CYP2F1: variants seen among roughly 807,000 people sequenced by gnomAD.
CYP2F1 encodes cytochrome P450 family 2 subfamily F member 1.
CYP2F1 carries 33 observed loss-of-function variants against 40.4 expected under a neutral mutation model. The ratio of observed to expected loss-of-function variants is 0.82; its 90% CI spans 0.62 to 1.09. The LOEUF is 1.09. Among genes scored for constraint, CYP2F1 ranks in the 50% least tolerant of loss-of-function variants. CYP2F1 has a pLI of 0.00. For synonymous variants in CYP2F1, 235 were observed against 277.2 expected, an observed-to-expected ratio of 0.85 and a Z score of 1.51; for missense variants, 566 against 655.7, an observed-to-expected ratio of 0.86 and a Z score of 1.49.
chr19:41,119,394 C>G (rs1599672260), intron 3 of CYP2F1, among the ~76,000 whole-genome samples: 3 of 152,106 alleles, frequency 2.0e-5, no homozygotes, highest in Admixed American at 2.0e-4. Flanking sequence ...GAGTGGATCT[C>G]CTGAGGTCAG....
At position 41,116,468 on chromosome 19, in the gene CYP2F1, A is replaced by C; in HGVS notation, c.185A>C (p.Tyr62Ser). 6.2e-7 allele frequency: 1 copy of C among 1,612,324 alleles called. No individual in the cohort carries two copies. Among genetic ancestry groups the C allele is most frequent in the Non-Finnish European group, 8.5e-7 (1 of 1,178,988 alleles). Residue 62 changes from tyrosine to serine, a missense_variant, in exon 3 of 10, where the codon TAT becomes TCT. This residue lies in a region of CYP2F1 where 264 missense variants were observed against 275.7 expected (regional missense o/e 0.96). Transcript: ENST00000331105. The part of the protein sequence containing the change: ...LTSLTKLSKE[Y>S]GSMYTVHLGP... ...TCCTACCCTCAGCTGAGCAAGGAGT[A>C]TGGCTCCATGTACACAGTGCACCTG... is the stretch of plus-strand genomic sequence containing the variant.
intron 4 of CYP2F1, among the ~76,000 whole-genome samples, chr19:41,120,866 G>C (rs1230296204): frequency 1.3e-5 from 2 of 151,812 alleles, no homozygotes; most frequent in Middle Eastern, 3.4e-3. Flanking sequence ...TGTCCCCCAG[G>C]CTGGAGTGCA....
intron 3 of CYP2F1, 96 bp from the exon 4 acceptor site, chr19:41,120,251 T>G (rs1389975003): frequency 3.4e-5 from 44 of 1,275,996 alleles, no homozygotes; most frequent in Non-Finnish European, 4.1e-5. Context: ...TTCCAAACTC[T>G]GTCTCTCTCC....
intron 3 of CYP2F1, among the ~76,000 whole-genome samples, chr19:41,119,721 C>CTATA (rs1442093221): frequency 1.9e-4 from 7 of 37,120 alleles, no homozygotes; most frequent in Admixed American, 7.0e-4. Flanking sequence ...CTCTCTCTCT[C>CTATA]TCTATATATA....
intron 4 of CYP2F1, among the ~76,000 whole-genome samples, chr19:41,121,201 A>C (rs116692516): frequency 1.3e-5 from 2 of 152,046 alleles, no homozygotes; most frequent in Non-Finnish European, 2.9e-5. Context: ...TGTGTTGCCA[A>C]GAATAGCCCG....
chr19:41,125,931 G>A (rs1279429392), intron 9 of CYP2F1: 19 of 474,690 alleles, frequency 4.0e-5, no homozygotes, highest in Admixed American at 1.5e-4. Context: ...TCAGGAGTTC[G>A]AGACCAGCCT....
chr19:41,117,416 G>A (rs894850347), intron 3 of CYP2F1, among the ~76,000 whole-genome samples: 11 of 152,168 alleles, frequency 7.2e-5, no homozygotes, highest in Admixed American at 5.2e-4. Flanking sequence ...ACAGGCAAGA[G>A]CCACTGCTCC....
Position 41,116,435 on chromosome 19 carries a change from T to C in CYP2F1, c.172-20T>C, listed in dbSNP as rs1203611056. ...CCATGGCCACAGGCCCCCCTGTAAC[T>C]TCTGTCTTCCTACCCTCAGCTGAGC... is the stretch of plus-strand genomic sequence containing the variant. On this transcript the variant is annotated intron_variant, in intron 2 of 9. Coordinates refer to ENST00000331105, the MANE Select transcript of CYP2F1 (RefSeq NM_000774.5). 3 of 1,607,830 alleles carry C rather than the reference T, an allele frequency of 1.9e-6. No individual in the cohort carries two copies. The highest frequency in any genetic ancestry group is 2.2e-5 in the South Asian group (2 of 90,878).
intron 9 of CYP2F1, 151 bp downstream of exon 9, chr19:41,125,785 A>G (rs780706615): frequency 2.0e-6 from 3 of 1,515,940 alleles, no homozygotes; most frequent in Non-Finnish European, 1.8e-6. Context: ...CTCTGCTCCT[A>G]TAGGCAAGTA....
rs928536385 is a variant in CYP2F1 at position 41,116,501 on chromosome 19, G to A, written c.218G>A (p.Arg73Lys). ...ATGTACACAGTGCACCTGGGACCCA[G>A]GCGGGTGGTGGTCCTCAGCGGGTAC... is the stretch of plus-strand genomic sequence containing the variant. ...GSMYTVHLGPRRVVVLSGYQA... is the reference protein window; with the variant it reads ...GSMYTVHLGPKRVVVLSGYQA... The change falls in exon 3 of 10, where the codon AGG becomes AAG. Residue 73 changes from arginine to lysine, a missense_variant. Around this residue, in one of 5 missense-constraint regions of CYP2F1, gnomAD observed 264 missense variants for 275.7 expected, o/e 0.96. Coordinates refer to ENST00000331105, the MANE Select transcript of CYP2F1 (RefSeq NM_000774.5). 1 of 1,613,904 alleles carries A rather than the reference G, an allele frequency of 6.2e-7. No individual in the cohort carries two copies. Among genetic ancestry groups the A allele is most frequent in the African/African-American group, 1.3e-5 (1 of 74,906 alleles).
intron 3 of CYP2F1, among the ~76,000 whole-genome samples, chr19:41,119,746 T>TACACACACACAC (rs1373000672): frequency 7.4e-5 from 4 of 54,184 alleles, no homozygotes; most frequent in Admixed American, 2.3e-4. Context: ...TATATATATA[T>TACACACACACAC]ATACACACAC....
intron 7 of CYP2F1, among the ~76,000 whole-genome samples, chr19:41,123,603 C>G (rs779075821): frequency 5.9e-5 from 9 of 152,310 alleles, no homozygotes; most frequent in Middle Eastern, 3.4e-3. Context: ...CTCACTGCAG[C>G]CCCTTGGGCT....
chr19:41,124,843 C>T lies in CYP2F1; in HGVS notation c.1089C>T (p.Ile363=), dbSNP rs544175992. 65 of 1,611,690 alleles carry T rather than the reference C, an allele frequency of 4.0e-5. 1 individual carries two copies. In the South Asian group the frequency reaches 5.8e-4, roughly 14 times the overall value. Residue 363 remains isoleucine, a synonymous_variant, in exon 8 of 10, where the codon ATC becomes ATT. Coordinates refer to ENST00000331105, the MANE Select transcript of CYP2F1 (RefSeq NM_000774.5). ...AGGTGCAGCGCTTTGCAGACATCAT[C>T]CCCATGAACTTGCCGCACCGCGTCA... ...IHEVQRFADI[I]PMNLPHRVTR... is the part of the protein sequence containing the mutation.
chr19:41,126,111 C>G (rs1273982393), intron 9 of CYP2F1, among the ~76,000 whole-genome samples: 1 of 149,456 alleles, frequency 6.7e-6, no homozygotes, highest in Non-Finnish European at 1.5e-5. Context: ...GAGAGAGACT[C>G]TGTCTCAAAA....
intron 5 of CYP2F1, 78 bp downstream of exon 5, chr19:41,121,696 A>G: frequency 7.0e-7 from 1 of 1,420,900 alleles, no homozygotes; most frequent in South Asian, 1.3e-5. Context: ...GTGGGCGGGG[A>G]AAGGGCTGTG....
intron 4 of CYP2F1, 46 bp from the exon 5 acceptor site, chr19:41,121,412 T>G: frequency 6.3e-7 from 1 of 1,575,284 alleles, no homozygotes; most frequent in Non-Finnish European, 8.6e-7. Context: ...AGGTCTGGTG[T>G]GCTGCACATC....
chr19:41,118,718 T>C (rs1240586424), intron 3 of CYP2F1, among the ~76,000 whole-genome samples: 1 of 152,160 alleles, frequency 6.6e-6, no homozygotes, highest in African/African-American at 2.4e-5. Flanking sequence ...AACAGCAGGG[T>C]TCCACCACTC....
chr19:41,127,104 C>T (rs2032574958), intron 9 of CYP2F1, among the ~76,000 whole-genome samples: 1 of 152,196 alleles, frequency 6.6e-6, no homozygotes. Flanking sequence ...GTTTGCATCC[C>T]ATCTGTCACC....
At chr19:41,116,738 C>A in intron 3 of CYP2F1, 121 bp downstream of exon 3, 4 of 1,133,934 alleles carry the variant, frequency 3.5e-6, no homozygotes, top group Non-Finnish European at 5.0e-6. Flanking sequence ...ACTGATGACA[C>A]CAAATGCAAT....
Sources: allele counts gnomAD v4.1 joint callset (sites outside exome capture counted in the v4.1 genomes callset), GRCh38; gene constraint gnomAD v4.1.1; regional missense constraint gnomAD v4.1.1; transcripts MANE v1.5; gene names NCBI Gene and HGNC (gene_info 2026-07-23, HGNC 2026-07-21).